Variants in LCTL observed in about 807,000 individuals in gnomAD.
LCTL encodes the protein lactase like.
A neutral mutation model predicts 75.8 loss-of-function variants in LCTL; 76 were observed. That is an observed-to-expected ratio of 1.00 (90% CI 0.83 to 1.21). LCTL has a LOEUF of 1.21. LCTL is among the 50% of genes most tolerant of loss of function. The pLI, the probability that LCTL is intolerant of heterozygous loss-of-function variation, is 0.00. For synonymous variants in LCTL, 271 were observed against 268.8 expected, an observed-to-expected ratio of 1.01 and a Z score of -0.08; for missense variants, 670 against 712.4, an observed-to-expected ratio of 0.94 and a Z score of 0.68.
intron 8 of LCTL, among the ~76,000 whole-genome samples, chr15:66,556,661 T>C (rs1895746162): frequency 6.6e-6 from 1 of 152,164 alleles, no homozygotes; most frequent in Non-Finnish European, 1.5e-5. Context: ...TATTACAAAA[T>C]GGATGAATCT....
At chr15:66,564,958 C>T in intron 1 of LCTL, 119 bp from the exon 3 acceptor site, 1 of 893,552 alleles carries the variant, frequency 1.1e-6, no homozygotes, top group Non-Finnish European at 1.7e-6. Context: ...TGCCCCTGTC[C>T]CACTGGGGAC....
At chr15:66,563,824 C>T in intron 3 of LCTL, 87 bp downstream of exon 4, 1 of 1,090,426 alleles carries the variant, frequency 9.2e-7, no homozygotes, top group Admixed American at 1.8e-5. Context: ...GGCTGATCTC[C>T]CTCCCCAGGA....
chr15:66,565,466 G>C, exon 1 of LCTL: 1 of 704,356 alleles, frequency 1.4e-6, no homozygotes. Context: ...AAGGCCAAGT[G>C]GGGAGAGGAA....
intron 4 of LCTL, 126 bp from the exon 6 acceptor site, chr15:66,561,441 G>A (rs746886997): frequency 1.3e-4 from 141 of 1,044,832 alleles, no homozygotes; most frequent in Non-Finnish European, 1.9e-4. Context: ...GGACTCTCAT[G>A]CCTAGAAAGA....
chr15:66,551,964 G>A (rs1392377832), intron 10 of LCTL, 79 bp downstream of exon 11: 1 of 1,551,520 alleles, frequency 6.4e-7, no homozygotes, highest in Non-Finnish European at 8.7e-7. Flanking sequence ...TTAGAAGCAA[G>A]TTTCAGTTGA....
intron 10 of LCTL, 68 bp downstream of exon 11, chr15:66,551,975 T>C: frequency 1.3e-6 from 2 of 1,568,404 alleles, no homozygotes; most frequent in Non-Finnish European, 1.7e-6. Context: ...TTTCAGTTGA[T>C]TGTGTGTTAA....
chr15:66,558,688 T>TGTG (rs530339334), intron 6 of LCTL, among the ~76,000 whole-genome samples: 103 of 27,084 alleles, frequency 3.8e-3, no homozygotes, highest in African/African-American at 7.4e-3. Context: ...TGTGTGTGTG[T>TGTG]TTTTTTTTTT....
At chr15:66,559,462 C>T (rs1433239335) in intron 6 of LCTL, among the ~76,000 whole-genome samples, 1 of 152,156 alleles carries the variant, frequency 6.6e-6, no homozygotes, top group Non-Finnish European at 1.5e-5. Flanking sequence ...AATCCCAAAA[C>T]TTTGGGAGGG....
At chr15:66,564,440 G>A in intron 2 of LCTL, 1 of 536,414 alleles carries the variant, frequency 1.9e-6, no homozygotes. Flanking sequence ...TGGCTCAGGT[G>A]AGGCCCCACT....
chr15:66,560,240 G>C (rs1895853448), intron 6 of LCTL, among the ~76,000 whole-genome samples: 1 of 152,186 alleles, frequency 6.6e-6, no homozygotes, highest in Admixed American at 6.5e-5. Flanking sequence ...AGCTTAGACA[G>C]ATTGTCCACC....
exon 4 of LCTL, chr15:66,563,607 T>C: frequency 6.2e-7 from 1 of 1,610,464 alleles, no homozygotes; most frequent in African/African-American, 1.3e-5. Flanking sequence ...TTCGATTCCC[T>C]TCTTGTTCAC....
In LCTL at chr15:66,553,225, G is replaced by T; in HGVS notation, c.956C>A (p.Ser319Ter). 1 of 1,598,776 alleles carries T rather than the reference G, an allele frequency of 6.3e-7. No homozygotes were observed. Among genetic ancestry groups the T allele is most frequent in the Non-Finnish European group, 8.5e-7 (1 of 1,173,102 alleles). ...CTGGAGTGAGAACACCGGTAACCTC[G>T]ACATCTCCAGGCCTTGCTCTGCACT... The change falls in exon 9 of 13, where the codon TCG becomes TAG. Residue 319 changes from serine (S) to a stop codon, truncating the protein, a stop_gained. Coordinates refer to ENST00000341509, the Ensembl canonical transcript of LCTL. LOFTEE classifies it high-confidence loss of function.
chr15:66,556,653 T>C (rs931496111), intron 8 of LCTL, among the ~76,000 whole-genome samples: 4 of 152,160 alleles, frequency 2.6e-5, no homozygotes, highest in Non-Finnish European at 5.9e-5. Flanking sequence ...TTCTGACATA[T>C]TACAAAATGG....
At chr15:66,562,588 C>CTTTT (rs34408899) in intron 4 of LCTL, among the ~76,000 whole-genome samples, 1 of 142,662 alleles carries the variant, frequency 7.0e-6, no homozygotes. Flanking sequence ...GTCGCCAGAT[C>CTTTT]TTTTTTTTTT....
chr15:66,552,142 C>T, exon 10 of LCTL: 1 of 1,613,034 alleles, frequency 6.2e-7, no homozygotes, highest in Non-Finnish European at 8.5e-7. Flanking sequence ...TTTTCCATCA[C>T]ATATATGGGA....
intron 6 of LCTL, among the ~76,000 whole-genome samples, chr15:66,560,430 G>C (rs1376622172): frequency 6.6e-6 from 1 of 152,044 alleles, no homozygotes; most frequent in Non-Finnish European, 1.5e-5. Flanking sequence ...TTACTCTCTT[G>C]TGTGACTGAT....
intron 8 of LCTL, among the ~76,000 whole-genome samples, chr15:66,555,301 ATT>A (rs561302833): frequency 1.2e-4 from 17 of 147,298 alleles, no homozygotes; most frequent in African/African-American, 4.0e-4. Flanking sequence ...TTAATTTTAA[ATT>A]TTTTTTTTTT....
chr15:66,553,148 T>G (rs1396238726), exon 9 of LCTL: 6 of 1,611,928 alleles, frequency 3.7e-6, no homozygotes, highest in Non-Finnish European at 5.1e-6. Context: ...TACCGAGTAG[T>G]AAAATGACCT....
intron 1 of LCTL, 66 bp downstream of exon 2, chr15:66,565,182 C>G: frequency 9.3e-7 from 1 of 1,070,424 alleles, no homozygotes; most frequent in Non-Finnish European, 1.4e-6. Flanking sequence ...AACTCCTTGT[C>G]AAGTCAGCCA....
Sources: gnomAD v4.1 joint callset for allele counts (sites outside exome capture counted in the v4.1 genomes callset) on GRCh38, gnomAD v4.1.1 for gene constraint, MANE v1.5 for transcripts, NCBI Gene and HGNC (gene_info 2026-07-23, HGNC 2026-07-21) for gene names.